The following TMEM165 variants were observed in gnomAD, a reference collection of about 807,000 sequenced individuals.
The protein encoded by TMEM165 is transmembrane protein 165, also known as putative divalent cation/proton antiporter TMEM165.
A neutral mutation model predicts 30.0 loss-of-function variants in TMEM165; 19 were observed. That is an observed-to-expected ratio of 0.63 (90% CI 0.44 to 0.93). The LOEUF (loss-of-function observed/expected upper bound fraction) is 0.93, where lower values mean the gene tolerates loss of function less well. Ranked by LOEUF, TMEM165 falls within the 40% of genes least tolerant of loss-of-function variation. The pLI is 0.00. For synonymous variants in TMEM165, 168 were observed against 162.9 expected (o/e 1.03, Z -0.24); for missense variants, 340 against 417.0 (o/e 0.82, Z 1.61).
At chr4:55,431,476 C>A (rs1245075611) in intron 3 of TMEM165, 1 of 152,216 alleles carries the variant, frequency 6.6e-6, no homozygotes, top group African/African-American at 2.4e-5. Flanking sequence ...TTCTCTTTCT[C>A]CAAACACTTA....
chr4:55,442,685 T>C, intron 3 of TMEM165: 1 of 1,447,606 alleles, frequency 6.9e-7, no homozygotes, highest in Non-Finnish European at 9.6e-7. Flanking sequence ...AATAATTATT[T>C]GGGAAGTATG....
At chr4:55,449,173 A>T (rs868807453) in intron 3 of TMEM165, among the ~76,000 whole-genome samples, 1 of 15,038 alleles carries the variant, frequency 6.6e-5, no homozygotes, top group African/African-American at 3.4e-4. Flanking sequence ...TCCACAATTA[A>T]AAAAAAAAAA....
At chr4:55,421,597 A>C (rs1339505691) in intron 4 of TMEM165, among the ~76,000 whole-genome samples, 1 of 152,052 alleles carries the variant, frequency 6.6e-6, no homozygotes, top group South Asian at 2.1e-4. Flanking sequence ...ATTACTTTCA[A>C]ATAGAACCAT....
chr4:55,448,894 G>T (rs1261502298), intron 3 of TMEM165: 3 of 1,530,214 alleles, frequency 2.0e-6, no homozygotes, highest in South Asian at 1.1e-5. Context: ...AAATAACACT[G>T]AAGTGATTCT....
rs1397814809 is a variant in TMEM165, at chr4:55,438,361, C to G, written c.408+13718C>G. On this transcript the variant is annotated intron_variant, in intron 3 of 3. Transcript: ENST00000608091. ...TGAAGTGAGCTGCTGCTCCTGGGAGCTCTGCTGCTGCTGCTGCTGCGTTAC... is the reference window on the plus strand; with the variant it reads ...TGAAGTGAGCTGCTGCTCCTGGGAGGTCTGCTGCTGCTGCTGCTGCGTTAC... 4 of 1,613,670 alleles carry G rather than the reference C, an allele frequency of 2.5e-6. No homozygotes were observed. The South Asian group carries it at 4.4e-5, about 18-fold the overall frequency.
rs1277048150 is a variant in TMEM165 at position 55,417,217 on chromosome 4, TC to T, written c.580del (p.Gln194LysfsTer4). On this transcript the variant is annotated frameshift_variant, in exon 3 of 6. Transcript: ENST00000381334. LOFTEE classifies it high-confidence loss of function. ...DEGQEELEEV[Q>X]AELKKKDEEF... is the part of the protein sequence containing the mutation. ...AGGGTCAAGAGGAACTGGAAGAAGT[TC>T]AAGCTGAATTAAAGAAGAAAGATGA... 1.2e-6 allele frequency: 2 copies of T among 1,612,260 alleles called. No individual in the cohort carries two copies. Among genetic ancestry groups the T allele is most frequent in the Non-Finnish European group, 1.7e-6 (2 of 1,179,632 alleles).
At chr4:55,439,472 C>T (rs11133378) in intron 3 of TMEM165, among the ~76,000 whole-genome samples, 51,342 of 151,944 alleles carry the variant, frequency 0.34, 9,373 homozygotes, top group East Asian at 0.58. Context: ...TCAAAAAATT[C>T]ACTATAGGAT....
rs1158939254 is a variant in TMEM165 at position 55,424,336 on chromosome 4, T to C, written c.793-202T>C. ...AATTGATTTGGGTTATTTCAACTTT[T>C]AGGTCTAGTCTTAAGTATAACTGGT... On this transcript the variant is annotated intron_variant, in intron 4 of 5. Transcript: ENST00000381334. 5 of 511,790 alleles carry C rather than the reference T, an allele frequency of 9.8e-6. No homozygotes were observed. In the African/African-American group the frequency reaches 9.8e-5, roughly 10 times the overall value. The allele number at this position is 511,790 out of a possible 1,614,324, so 31.7% of individuals were successfully genotyped here.
At chr4:55,423,927 G>A (rs1448467216) in intron 4 of TMEM165, 2 of 152,464 alleles carry the variant, frequency 1.3e-5, no homozygotes, top group Non-Finnish European at 2.9e-5. Flanking sequence ...TATTTAGCAT[G>A]TTCCTTCTCC....
intron 1 of TMEM165, among the ~76,000 whole-genome samples, chr4:55,404,611 T>TTTTA (rs1560388718): frequency 6.7e-6 from 1 of 149,544 alleles, no homozygotes; most frequent in Non-Finnish European, 1.5e-5. Flanking sequence ...ATTTTATTTT[T>TTTTA]TTTTTTTGTG....
At chr4:55,397,847 C>T (rs1434955739) in intron 1 of TMEM165, among the ~76,000 whole-genome samples, 1 of 152,130 alleles carries the variant, frequency 6.6e-6, no homozygotes, top group Non-Finnish European at 1.5e-5. Flanking sequence ...GATCCTCCCA[C>T]CTCAGCCTCC....
intron 1 of TMEM165, among the ~76,000 whole-genome samples, chr4:55,406,735 C>T (rs1267048815): frequency 6.6e-6 from 1 of 152,202 alleles, no homozygotes; most frequent in Non-Finnish European, 1.5e-5. Context: ...TCTCTGCTCA[C>T]TGCAACTTGT....
intron 3 of TMEM165, chr4:55,449,999 AAAG>A: frequency 6.9e-7 from 1 of 1,446,170 alleles, no homozygotes; most frequent in East Asian, 2.3e-5. Context: ...TTATAATTTT[AAAG>A]AAGCGTTTGA....
intron 1 of TMEM165, among the ~76,000 whole-genome samples, chr4:55,403,959 A>C (rs1042315272): frequency 1.3e-5 from 2 of 149,718 alleles, no homozygotes; most frequent in African/African-American, 4.9e-5. Flanking sequence ...TATTTTGGAA[A>C]AGAAAGAAAA....
At chr4:55,397,221 GT>G (rs948004460) in intron 1 of TMEM165, 1 of 152,070 alleles carries the variant, frequency 6.6e-6, no homozygotes, top group Admixed American at 6.6e-5. Flanking sequence ...CCATCTCCAC[GT>G]AACTAATCTT....
intron 3 of TMEM165, among the ~76,000 whole-genome samples, chr4:55,436,787 A>G (rs1386450167): frequency 6.6e-6 from 1 of 152,146 alleles, no homozygotes; most frequent in African/African-American, 2.4e-5. Flanking sequence ...TAGGTATTAC[A>G]TAATTTAGAA....
intron 3 of TMEM165, chr4:55,438,199 C>G: frequency 6.7e-7 from 1 of 1,496,570 alleles, no homozygotes; most frequent in Non-Finnish European, 9.3e-7. Context: ...TTTCACATCA[C>G]TCACAAATCT....
At position 55,412,393 on chromosome 4, in the gene TMEM165, C is replaced by CAAAAAAAAAAA. The variant is rs371124857; in HGVS notation, c.433+568_433+578dup. 7.0e-4 allele frequency among the ~76,000 whole-genome samples: 38 copies of CAAAAAAAAAAA among 54,364 alleles called. 2 individuals carry two copies. The highest frequency in any genetic ancestry group is 2.6e-3 in the African/African-American group (34 of 13,206). 35.7% of individuals were successfully genotyped at this position (54,364 alleles called of 152,430 possible). A position where few individuals can be genotyped will look rare whatever the true frequency, so the allele number is the denominator to read the frequency against. ...TGGGTGATAGAGTGAGACTCCATCT[C>CAAAAAAAAAAA]AAAAAAAAAAAAAAAAAAAAAAAAG... On this transcript the variant is annotated intron_variant, in intron 2 of 5. Coordinates refer to ENST00000381334, the MANE Select transcript of TMEM165 (RefSeq NM_018475.5).
chr4:55,443,072 G>GCTTC (rs1188869966), intron 3 of TMEM165, among the ~76,000 whole-genome samples: 1 of 152,122 alleles, frequency 6.6e-6, no homozygotes, highest in Non-Finnish European at 1.5e-5. Context: ...ATGGGAACAG[G>GCTTC]CTTCCTGGTC....
Sources: gnomAD v4.1 joint callset for allele counts (sites outside exome capture counted in the v4.1 genomes callset) on GRCh38, gnomAD v4.1.1 for gene constraint, MANE v1.5 for transcripts, NCBI Gene and HGNC (gene_info 2026-07-23, HGNC 2026-07-21) for gene names.